The following UBR2 variants were observed in gnomAD, a reference collection of about 807,000 sequenced individuals.
UBR2 encodes E3 ubiquitin-protein ligase UBR2.
In UBR2, 92 loss-of-function variants were observed where a neutral mutation model predicts 247.9. The observed-to-expected ratio is 0.37, with a 90% CI of 0.31 to 0.44. UBR2 has a LOEUF of 0.44. Ranked by LOEUF, UBR2 falls within the 20% of genes least tolerant of loss-of-function variation. UBR2 has a pLI of 1.00. For synonymous variants in UBR2, 672 were observed against 693.5 expected, an observed-to-expected ratio of 0.97 and a Z score of 0.49; for missense variants, 1,613 against 2,112.6, an observed-to-expected ratio of 0.76 and a Z score of 4.64.
At chr6:42,588,371 T>C (rs1252645149) in intron 2 of UBR2, among the ~76,000 whole-genome samples, 2 of 152,162 alleles carry the variant, frequency 1.3e-5, no homozygotes, top group African/African-American at 4.8e-5. Context: ...CATTAAACTT[T>C]GTCGAATTTT....
chr6:42,573,861 T>G lies in UBR2; in HGVS notation c.206T>G (p.Leu69Trp). The change falls in exon 2 of 47, where the codon TTG becomes TGG. Residue 69 changes from leucine (L) to tryptophan (W), a missense_variant. This residue lies in a region of UBR2 where 1,524 missense variants were observed against 1,967.3 expected (regional missense o/e 0.77). Coordinates refer to ENST00000372901, the MANE Select transcript of UBR2 (RefSeq NM_001363705.2). Reference protein sequence around the residue: ...QKEDMLAQHVLLGPMEWYLCG... With the variant: ...QKEDMLAQHVWLGPMEWYLCG... ...GAAGACATGCTGGCACAGCATGTTT[T>G]GTTGGGACCAATGGAATGGTACCTT... The G allele has an allele frequency of 6.2e-7, 1 of 1,614,104 alleles. No homozygotes were observed. The highest frequency in any genetic ancestry group is 8.5e-7 in the Non-Finnish European group (1 of 1,179,998).
intron 11 of UBR2, among the ~76,000 whole-genome samples, chr6:42,622,254 G>A (rs2151944508): frequency 6.6e-6 from 1 of 152,124 alleles, no homozygotes. Flanking sequence ...CCTGACCTCA[G>A]GTGATCCACC....
In UBR2 at chr6:42,584,511, T is replaced by C. The variant is rs1035114733; in HGVS notation, c.339-7640T>C. Among the ~76,000 whole-genome samples the C allele has an allele frequency of 8.5e-5, 13 of 152,334 alleles. No individual in the cohort carries two copies. The East Asian group carries it at 1.9e-3, about 23-fold the overall frequency. On this transcript the variant is annotated intron_variant, in intron 2 of 46. Coordinates refer to ENST00000372901, the MANE Select transcript of UBR2 (RefSeq NM_001363705.2). ...TTGTCTATTTCATGTCTTTTGCATT[T>C]TATAAATTTTAAAATTAGTTTGTAA...
intron 7 of UBR2, 102 bp downstream of exon 7, chr6:42,606,753 A>G: frequency 1.1e-6 from 1 of 933,448 alleles, no homozygotes; most frequent in Non-Finnish European, 1.6e-6. Context: ...TCAAATGAAA[A>G]CCAAAAATTA....
chr6:42,600,192 A>G (rs998055502), intron 4 of UBR2, among the ~76,000 whole-genome samples: 1 of 152,200 alleles, frequency 6.6e-6, no homozygotes, highest in African/African-American at 2.4e-5. Flanking sequence ...AGTATACTGC[A>G]TAAAAGATAA....
At chr6:42,673,607 C>T in intron 36 of UBR2, among the ~76,000 whole-genome samples, 184 bp from the exon 37 acceptor site, 1 of 152,222 alleles carries the variant, frequency 6.6e-6, no homozygotes, top group Non-Finnish European at 1.5e-5. Flanking sequence ...TTATTCAGCA[C>T]ACACTTAGAC....
chr6:42,666,118 G>C, intron 33 of UBR2, 49 bp from the exon 34 acceptor site: 1 of 1,495,918 alleles, frequency 6.7e-7, no homozygotes, highest in Non-Finnish European at 9.1e-7. Flanking sequence ...TGTACTTTTA[G>C]GAATATTGTC....
At position 42,582,282 on chromosome 6, in the gene UBR2, C is replaced by CAA. The variant is rs397887989; in HGVS notation, c.338+8309_338+8310dup. Among the ~76,000 whole-genome samples, 215 of 85,686 alleles carry CAA rather than the reference C, an allele frequency of 2.5e-3. 1 individual carries two copies. The highest frequency in any genetic ancestry group is 3.5e-3 in the Non-Finnish European group (159 of 45,398). The allele number at this position is 85,686 out of a possible 152,430, so 56.2% of individuals were successfully genotyped here. Reference sequence around the variant, plus strand: ...TGGGCAACAGGGCGAGACTCCGTCTCAAAAAAAAAAAAAAAAAAAAACATT... The same window carrying CAA: ...TGGGCAACAGGGCGAGACTCCGTCTCAAAAAAAAAAAAAAAAAAAAAAACATT... On this transcript the variant is annotated intron_variant, in intron 2 of 46. Coordinates refer to ENST00000372901, the MANE Select transcript of UBR2 (RefSeq NM_001363705.2).
chr6:42,661,197 AG>A (rs1797780994), intron 30 of UBR2, among the ~76,000 whole-genome samples: 1 of 151,980 alleles, frequency 6.6e-6, no homozygotes, highest in African/African-American at 2.4e-5. Flanking sequence ...CTGAGGCAGG[AG>A]AATGGCGTGA....
At chr6:42,582,732 A>T (rs957231495) in intron 2 of UBR2, among the ~76,000 whole-genome samples, 78 of 152,314 alleles carry the variant, frequency 5.1e-4, no homozygotes, top group African/African-American at 1.9e-3. Flanking sequence ...TCCTTAAAAT[A>T]ATAACCTCAT....
rs764120575 is a variant in UBR2, at chr6:42,658,236, G to A, written c.2983-4G>A. 8.8e-6 allele frequency: 14 copies of A among 1,598,206 alleles called. No individual in the cohort carries two copies. The East Asian group carries it at 2.5e-4, about 28-fold the overall frequency. On this transcript the variant is annotated splice_region_variant and splice_polypyrimidine_tract_variant and intron_variant, in intron 27 of 46. Transcript: ENST00000372901. ...ACAGGATACTGATACTTTTTTTTTT[G>A]TAGACTTTTAATGCTGTTAAAAAGA...
chr6:42,673,166 GT>G (rs998280011), intron 36 of UBR2, among the ~76,000 whole-genome samples: 2 of 152,048 alleles, frequency 1.3e-5, no homozygotes, highest in Non-Finnish European at 1.5e-5. Context: ...TTCTTAGACA[GT>G]TTCCCCAATA....
intron 8 of UBR2, among the ~76,000 whole-genome samples, chr6:42,614,200 AAAAAAC>A (rs1402821687): frequency 0.19 from 8,987 of 48,026 alleles, 978 homozygotes; most frequent in African/African-American, 0.27. Flanking sequence ...AAAAAAAAAA[AAAAAAC>A]TATATATATA....
At chr6:42,632,056 T>TAAAAAAA (rs1296746615) in intron 11 of UBR2, among the ~76,000 whole-genome samples, 1 of 126,958 alleles carries the variant, frequency 7.9e-6, no homozygotes, top group African/African-American at 3.1e-5. Context: ...TTTGCTTATT[T>TAAAAAAA]AAAAAAAAAA....
intron 1 of UBR2, among the ~76,000 whole-genome samples, chr6:42,573,361 G>T (rs1176356807): frequency 6.6e-6 from 1 of 152,148 alleles, no homozygotes; most frequent in Non-Finnish European, 1.5e-5. Context: ...CGTGAGAATT[G>T]ATATCACAAT....
At chr6:42,672,086 G>T (rs1371477899) in intron 36 of UBR2, among the ~76,000 whole-genome samples, 1 of 151,844 alleles carries the variant, frequency 6.6e-6, no homozygotes, top group Non-Finnish European at 1.5e-5. Context: ...AGACTGGAGT[G>T]CAATGGCACA....
intron 11 of UBR2, among the ~76,000 whole-genome samples, chr6:42,626,007 G>A (rs939139534): frequency 3.3e-5 from 5 of 151,228 alleles, no homozygotes; most frequent in African/African-American, 1.2e-4. Context: ...GTAGAGCCGG[G>A]GTTTCACCAT....
chr6:42,619,438 TATATA>T (rs1318565062), intron 11 of UBR2: 541 of 29,948 alleles, frequency 0.018, 31 homozygotes, highest in African/African-American at 0.03. Flanking sequence ...TATATATATA[TATATA>T]TATATATATA....
chr6:42,607,093 T>C (rs1793748700), intron 7 of UBR2, among the ~76,000 whole-genome samples: 1 of 152,212 alleles, frequency 6.6e-6, no homozygotes, highest in South Asian at 2.1e-4. Flanking sequence ...CATTTGGATT[T>C]ATTTTTAGAA....
Sources: gnomAD v4.1 joint callset for allele counts (sites outside exome capture counted in the v4.1 genomes callset) on GRCh38, gnomAD v4.1.1 for gene constraint, gnomAD v4.1.1 regional missense constraint, MANE v1.5 for transcripts, NCBI Gene and HGNC (gene_info 2026-07-23, HGNC 2026-07-21) for gene names.